CDH18: variants seen among roughly 807,000 people sequenced by gnomAD.
The protein encoded by CDH18 is cadherin 18, also known as cadherin-18.
A neutral mutation model predicts 67.9 loss-of-function variants in CDH18; 31 were observed. The observed-to-expected ratio is 0.46, with a 90% CI of 0.34 to 0.62. The LOEUF is 0.62. CDH18 is among the 20% of genes least tolerant of loss of function. The pLI is 0.01. For synonymous variants in CDH18, 362 were observed against 347.2 expected (o/e 1.04, Z -0.48); for missense variants, 890 against 975.5 (o/e 0.91, Z 1.17).
intron 2 of CDH18, among the ~76,000 whole-genome samples, chr5:20,022,094 C>T (rs1036136958): frequency 2.0e-5 from 3 of 152,082 alleles, no homozygotes; most frequent in African/African-American, 7.2e-5. Context: ...TTCTTATTAT[C>T]CTAATGTTCT....
intron 2 of CDH18, among the ~76,000 whole-genome samples, chr5:20,091,333 G>T (rs1408189999): frequency 6.6e-6 from 1 of 151,370 alleles, no homozygotes; most frequent in Non-Finnish European, 1.5e-5. Flanking sequence ...AAAAAAAAAA[G>T]TTAAAAACTT....
At chr5:20,094,373 G>C (rs1745699323) in intron 2 of CDH18, among the ~76,000 whole-genome samples, 2 of 152,162 alleles carry the variant, frequency 1.3e-5, no homozygotes, top group Admixed American at 1.3e-4. Flanking sequence ...TTGCCTTGTA[G>C]TATAGTTTGA....
chr5:20,173,030 T>C (rs190060428), intron 2 of CDH18, among the ~76,000 whole-genome samples: 2 of 151,852 alleles, frequency 1.3e-5, no homozygotes, highest in Non-Finnish European at 1.5e-5. Context: ...GAAATATCCA[T>C]TGTCTAATAA....
At chr5:19,905,455 C>A (rs913287711) in intron 2 of CDH18, among the ~76,000 whole-genome samples, 1 of 137,728 alleles carries the variant, frequency 7.3e-6, no homozygotes, top group Admixed American at 7.3e-5. Flanking sequence ...ATTGTATGAT[C>A]AATGATTTAT....
At chr5:20,250,344 G>C (rs982128064) in intron 2 of CDH18, among the ~76,000 whole-genome samples, 1 of 151,712 alleles carries the variant, frequency 6.6e-6, no homozygotes, top group Non-Finnish European at 1.5e-5. Context: ...CCAGGCTGGA[G>C]TGCAGCCGTG....
At chr5:20,421,478 C>A (rs1175499326) in intron 1 of CDH18, among the ~76,000 whole-genome samples, 1 of 150,812 alleles carries the variant, frequency 6.6e-6, no homozygotes, top group Non-Finnish European at 1.5e-5. Flanking sequence ...TCCTACCAGA[C>A]TTGGCCCTTT....
At chr5:19,516,880 T>A (rs977426746) in intron 10 of CDH18, among the ~76,000 whole-genome samples, 2 of 152,058 alleles carry the variant, frequency 1.3e-5, no homozygotes, top group Non-Finnish European at 2.9e-5. Flanking sequence ...ACCATTCACC[T>A]ATTGAAGGAT....
intron 1 of CDH18, among the ~76,000 whole-genome samples, chr5:20,364,223 T>C (rs1426165038): frequency 5.3e-5 from 8 of 152,012 alleles, no homozygotes; most frequent in Non-Finnish European, 4.4e-5. Context: ...AAAAAATAAG[T>C]AGCTTATGTA....
intron 2 of CDH18, among the ~76,000 whole-genome samples, chr5:20,190,016 C>A (rs1031884227): frequency 6.6e-6 from 1 of 152,088 alleles, no homozygotes; most frequent in Non-Finnish European, 1.5e-5. Context: ...TTAGATGTGG[C>A]ACATGGGAAG....
At chr5:20,076,302 G>A (rs1743931108) in intron 2 of CDH18, among the ~76,000 whole-genome samples, 1 of 151,896 alleles carries the variant, frequency 6.6e-6, no homozygotes, top group African/African-American at 2.4e-5. Flanking sequence ...GTGTGTTTGG[G>A]GTGGGGGTGG....
intron 1 of CDH18, among the ~76,000 whole-genome samples, chr5:20,309,952 A>G (rs1736842986): frequency 6.6e-6 from 1 of 151,976 alleles, no homozygotes; most frequent in Admixed American, 6.6e-5. Context: ...ATTTCTATCT[A>G]AGTTGCTATC....
chr5:19,664,588 T>C (rs1486104748), intron 5 of CDH18, among the ~76,000 whole-genome samples: 1 of 93,100 alleles, frequency 1.1e-5, no homozygotes, highest in East Asian at 3.2e-4. Flanking sequence ...AACCCAAATA[T>C]ATATGCAAAG....
intron 2 of CDH18, among the ~76,000 whole-genome samples, chr5:19,841,512 T>C (rs1490810325): frequency 2.7e-5 from 4 of 150,808 alleles, no homozygotes; most frequent in African/African-American, 9.7e-5. Context: ...ATTATTTTAA[T>C]AAATTTATAT....
chr5:20,475,698 T>C (rs58568858), intron 1 of CDH18, among the ~76,000 whole-genome samples: 14,755 of 152,190 alleles, frequency 0.097, 2,276 homozygotes, highest in African/African-American at 0.33. Context: ...ACATAACAAT[T>C]CTTATTGGTT....
At chr5:20,357,767 A>G (rs1046792254) in intron 1 of CDH18, among the ~76,000 whole-genome samples, 2 of 152,296 alleles carry the variant, frequency 1.3e-5, no homozygotes, top group African/African-American at 2.4e-5. Flanking sequence ...TCAAATAACA[A>G]AAGTTGAACC....
At chr5:19,986,328 G>C (rs980479572) in intron 1 of CDH18, among the ~76,000 whole-genome samples, 2 of 152,160 alleles carry the variant, frequency 1.3e-5, no homozygotes, top group African/African-American at 4.8e-5. Context: ...GTTACAGCTA[G>C]AGTTTCCTGC....
intron 5 of CDH18, among the ~76,000 whole-genome samples, chr5:19,620,761 GCT>G: frequency 6.6e-6 from 1 of 151,952 alleles, no homozygotes; most frequent in East Asian, 1.9e-4. Context: ...GTTTTCAAAA[GCT>G]CTGTCTTTCT....
intron 1 of CDH18, among the ~76,000 whole-genome samples, chr5:20,450,453 A>G (rs373585614): frequency 6.6e-6 from 1 of 152,198 alleles, no homozygotes; most frequent in Non-Finnish European, 1.5e-5. Flanking sequence ...ATTGCACATC[A>G]TCCAAATCTT....
At chr5:20,305,673 T>G in intron 1 of CDH18, 1 of 480,640 alleles carries the variant, frequency 2.1e-6, no homozygotes, top group Non-Finnish European at 3.8e-6. Context: ...GTAGGGGAGA[T>G]CCTCACGCTG....
Sources: allele counts gnomAD v4.1 joint callset (sites outside exome capture counted in the v4.1 genomes callset), GRCh38; gene constraint gnomAD v4.1.1; transcripts MANE v1.5; gene names NCBI Gene and HGNC (gene_info 2026-07-23, HGNC 2026-07-21).